The following NOX4 variants were observed in gnomAD, a reference collection of about 807,000 sequenced individuals.
The protein encoded by NOX4 is NADPH oxidase 4, also known as kidney oxidase-1.
Under a neutral mutation model 87.6 loss-of-function variants are expected in NOX4, and 69 were observed. That is an observed-to-expected ratio of 0.79 (90% CI 0.65 to 0.96). The LOEUF (loss-of-function observed/expected upper bound fraction) is 0.96, where lower values mean the gene tolerates loss of function less well. Among genes scored for constraint, NOX4 ranks in the 40% least tolerant of loss-of-function variants. NOX4 has a pLI of 0.00. For missense variants in NOX4, 680 were observed against 681.5 expected (o/e 1.00, Z 0.02); for synonymous variants, 275 against 238.2 (o/e 1.15, Z -1.42).
At chr11:89,409,583 C>A (rs1341869866) in intron 8 of NOX4, among the ~76,000 whole-genome samples, 2 of 151,634 alleles carry the variant, frequency 1.3e-5, no homozygotes, top group Non-Finnish European at 2.9e-5. Context: ...TGGCTTACAG[C>A]ATAAAATATC....
intron 2 of NOX4, among the ~76,000 whole-genome samples, chr11:89,486,578 G>GTA (rs112187020): frequency 0.032 from 3,393 of 105,424 alleles, 162 homozygotes; most frequent in African/African-American, 0.095. Context: ...ACATATATAT[G>GTA]TGTGTATATA....
chr11:89,375,647 T>C (rs1008685964), intron 11 of NOX4, among the ~76,000 whole-genome samples: 1 of 152,212 alleles, frequency 6.6e-6, no homozygotes, highest in South Asian at 2.1e-4. Context: ...CAAACAGTTT[T>C]GTCATCAGTA....
At chr11:89,586,237 C>A in the NOX4 span, among the ~76,000 whole-genome samples, 2 of 152,120 alleles carry the variant, frequency 1.3e-5, no homozygotes, top group African/African-American at 4.8e-5. Flanking sequence ...CATTCTATTT[C>A]ATCTGTCTCT....
chr11:89,587,705 T>C, the NOX4 span, among the ~76,000 whole-genome samples: 1 of 152,158 alleles, frequency 6.6e-6, no homozygotes, highest in African/African-American at 2.4e-5. Context: ...TAGTTAAAAA[T>C]GGTTTATGTG....
the NOX4 span, among the ~76,000 whole-genome samples, chr11:89,566,290 C>T: frequency 5.7e-4 from 86 of 152,102 alleles, no homozygotes; most frequent in African/African-American, 1.8e-3. Flanking sequence ...TGCTCCCCGC[C>T]CTTTGCCTCC....
At chr11:89,444,018 C>T (rs1944571840) in intron 5 of NOX4, 117 bp downstream of exon 5, 3 of 759,986 alleles carry the variant, frequency 3.9e-6, no homozygotes, top group Non-Finnish European at 6.7e-6. Flanking sequence ...TTGACAACTG[C>T]ATTTTAAAAG....
At chr11:89,436,117 A>T (rs919324757) in intron 6 of NOX4, among the ~76,000 whole-genome samples, 1 of 152,208 alleles carries the variant, frequency 6.6e-6, no homozygotes, top group African/African-American at 2.4e-5. Context: ...TTGTAGGCAT[A>T]TACAGTGTAC....
At chr11:89,385,516 G>A (rs1293224080) in intron 11 of NOX4, among the ~76,000 whole-genome samples, 1 of 152,126 alleles carries the variant, frequency 6.6e-6, no homozygotes, top group Non-Finnish European at 1.5e-5. Flanking sequence ...TCTCCTTCCA[G>A]CCTCATAGGC....
At chr11:89,476,287 T>A (rs1946163884) in intron 2 of NOX4, among the ~76,000 whole-genome samples, 1 of 152,162 alleles carries the variant, frequency 6.6e-6, no homozygotes, top group Non-Finnish European at 1.5e-5. Flanking sequence ...GGCTTGTTGT[T>A]TTTACTGTAA....
intron 7 of NOX4, among the ~76,000 whole-genome samples, chr11:89,430,876 A>G (rs1943741826): frequency 3.3e-5 from 5 of 152,168 alleles, no homozygotes; most frequent in Admixed American, 3.3e-4. Context: ...TATGGAACCA[A>G]AAAAGAGCCT....
At chr11:89,362,759 T>C (rs1320818225) in intron 12 of NOX4, among the ~76,000 whole-genome samples, 1 of 151,898 alleles carries the variant, frequency 6.6e-6, no homozygotes, top group Non-Finnish European at 1.5e-5. Context: ...CTTGGAGTAT[T>C]ATCCCCTCCT....
At chr11:89,345,494 C>T (rs1946178055) in intron 13 of NOX4, among the ~76,000 whole-genome samples, 1 of 152,168 alleles carries the variant, frequency 6.6e-6, no homozygotes, top group Admixed American at 6.5e-5. Flanking sequence ...CAGCCAGACA[C>T]ATGACCATGA....
intron 11 of NOX4, among the ~76,000 whole-genome samples, chr11:89,381,506 T>C (rs1940282039): frequency 6.6e-6 from 1 of 152,016 alleles, no homozygotes; most frequent in African/African-American, 2.4e-5. Flanking sequence ...CCTTTAACTG[T>C]AATTTTCCAT....
the NOX4 span, among the ~76,000 whole-genome samples, chr11:89,529,640 C>A: frequency 2.5e-4 from 38 of 152,240 alleles, no homozygotes; most frequent in Non-Finnish European, 4.1e-4. Flanking sequence ...AAGAAGCTAG[C>A]AAAAGAACAG....
At chr11:89,327,914 A>G (rs945461299) in intron 17 of NOX4, among the ~76,000 whole-genome samples, 1 of 152,184 alleles carries the variant, frequency 6.6e-6, no homozygotes, top group Non-Finnish European at 1.5e-5. Flanking sequence ...AAATAGATGA[A>G]ATAAGTATTT....
At chr11:89,573,609 T>C in the NOX4 span, among the ~76,000 whole-genome samples, 1 of 152,194 alleles carries the variant, frequency 6.6e-6, no homozygotes, top group Non-Finnish European at 1.5e-5. Flanking sequence ...TGCAGCAACC[T>C]GAATTCTTAC....
chr11:89,349,719 A>C (rs1946375980), intron 13 of NOX4, among the ~76,000 whole-genome samples: 1 of 152,206 alleles, frequency 6.6e-6, no homozygotes, highest in African/African-American at 2.4e-5. Flanking sequence ...ATGAGAACCA[A>C]GTAGAAACAG....
chr11:89,513,877 A>G, the NOX4 span, among the ~76,000 whole-genome samples: 3 of 152,002 alleles, frequency 2.0e-5, no homozygotes, highest in Non-Finnish European at 4.4e-5. Flanking sequence ...TACTAATATC[A>G]TTTTTAAAAA....
At chr11:89,393,337 C>T (rs1187646588) in intron 11 of NOX4, among the ~76,000 whole-genome samples, 1 of 151,976 alleles carries the variant, frequency 6.6e-6, no homozygotes, top group Non-Finnish European at 1.5e-5. Flanking sequence ...TGTGAGATAG[C>T]TCTTTGTAAT....
Sources: gnomAD v4.1 joint callset for allele counts (sites outside exome capture counted in the v4.1 genomes callset) on GRCh38, gnomAD v4.1.1 for gene constraint, MANE v1.5 for transcripts, NCBI Gene and HGNC (gene_info 2026-07-23, HGNC 2026-07-21) for gene names.